The following PRIMA1 variants were observed in gnomAD, a reference collection of about 807,000 sequenced individuals.
PRIMA1 encodes the protein proline rich membrane anchor 1, also known as proline-rich membrane anchor 1.
Under a neutral mutation model 17.5 loss-of-function variants are expected in PRIMA1, and 7 were observed. That is an observed-to-expected ratio of 0.40 (90% CI 0.23 to 0.75). The LOEUF (loss-of-function observed/expected upper bound fraction) is 0.75. PRIMA1 is among the 30% of genes least tolerant of loss of function. PRIMA1 has a pLI of 0.37. For synonymous variants in PRIMA1, 97 were observed against 77.9 expected (o/e 1.25, Z -1.29); for missense variants, 200 against 201.8 (o/e 0.99, Z 0.05).
In PRIMA1 at chr14:93,754,698, A is replaced by T. The variant is rs573964180; in HGVS notation, c.230-17328T>A. ...TAATTCCTTACAGTCATGAGCTCCC[A>T]GAGCACATTATTTCAAAATCCAGTG... On this transcript the variant is annotated intron_variant, in intron 3 of 4. Coordinates refer to ENST00000393140, the MANE Select transcript of PRIMA1 (RefSeq NM_178013.4). 6.1e-4 allele frequency among the ~76,000 whole-genome samples: 93 copies of T among 152,364 alleles called. 1 individual carries two copies. The highest frequency in any genetic ancestry group is 2.2e-3 in the African/African-American group (92 of 41,582).
intron 3 of PRIMA1, among the ~76,000 whole-genome samples, chr14:93,777,804 G>A (rs1465163771): frequency 2.0e-5 from 3 of 152,236 alleles, no homozygotes; most frequent in Admixed American, 2.0e-4. Context: ...AGATTCCAGA[G>A]GGCCAGGACG....
chr14:93,736,059 G>A (rs2076148201), intron 4 of PRIMA1, among the ~76,000 whole-genome samples: 2 of 152,164 alleles, frequency 1.3e-5, no homozygotes, highest in Admixed American at 1.3e-4. Context: ...CTTTCTGTCT[G>A]TATGTCCTTC....
intron 3 of PRIMA1, among the ~76,000 whole-genome samples, chr14:93,748,570 C>T (rs1162899886): frequency 6.6e-6 from 1 of 152,094 alleles, no homozygotes; most frequent in Non-Finnish European, 1.5e-5. Context: ...GCAGCGGCAC[C>T]GGGAGCCTCT....
intron 2 of PRIMA1, among the ~76,000 whole-genome samples, chr14:93,781,262 A>G (rs1885369545): frequency 6.6e-6 from 1 of 152,236 alleles, no homozygotes; most frequent in African/African-American, 2.4e-5. Flanking sequence ...ATTTTACAGA[A>G]ATGATTAACT....
At chr14:93,757,930 A>G (rs562700272) in intron 3 of PRIMA1, among the ~76,000 whole-genome samples, 20 of 152,298 alleles carry the variant, frequency 1.3e-4, no homozygotes, top group Admixed American at 5.2e-4. Context: ...GTCCACCCAC[A>G]GGTTCCCTTC....
chr14:93,737,229 G>A lies in PRIMA1; in HGVS notation c.359+12C>T, dbSNP rs774124660. Reference sequence around the variant, plus strand: ...TTCGGCTTGAAGCTGGGTGCAGTGAGTGAGCACTCACCTTTTTATGGCTTT... The same window carrying A: ...TTCGGCTTGAAGCTGGGTGCAGTGAATGAGCACTCACCTTTTTATGGCTTT... On this transcript the variant is annotated intron_variant, in intron 4 of 4. Coordinates refer to ENST00000393140, the MANE Select transcript of PRIMA1 (RefSeq NM_178013.4). 2.5e-6 allele frequency: 4 copies of A among 1,613,910 alleles called. No individual in the cohort carries two copies. In the Admixed American group the frequency reaches 5.0e-5, roughly 20 times the overall value.
At chr14:93,741,638 A>G (rs1373438532) in intron 3 of PRIMA1, among the ~76,000 whole-genome samples, 1 of 152,230 alleles carries the variant, frequency 6.6e-6, no homozygotes, top group Non-Finnish European at 1.5e-5. Context: ...AGACCTGATC[A>G]TCTTGCTCAG....
chr14:93,742,544 G>C (rs896893704), intron 3 of PRIMA1, among the ~76,000 whole-genome samples: 7 of 152,226 alleles, frequency 4.6e-5, no homozygotes, highest in Admixed American at 3.3e-4. Context: ...GTGCCCACCT[G>C]TATGGGGTCC....
At chr14:93,747,217 G>A (rs1194480608) in intron 3 of PRIMA1, among the ~76,000 whole-genome samples, 3 of 152,246 alleles carry the variant, frequency 2.0e-5, no homozygotes, top group South Asian at 2.1e-4. Context: ...CAAGCCATCC[G>A]GTCCTGCAGC....
chr14:93,785,166 A>C (rs1885487362), intron 2 of PRIMA1, among the ~76,000 whole-genome samples: 1 of 133,686 alleles, frequency 7.5e-6, no homozygotes, highest in Non-Finnish European at 1.5e-5. Context: ...TAAATTTGCC[A>C]GCCTGTCATC....
intron 3 of PRIMA1, among the ~76,000 whole-genome samples, chr14:93,762,911 TG>T (rs1884775391): frequency 1.3e-5 from 2 of 152,198 alleles, no homozygotes; most frequent in African/African-American, 4.8e-5. Flanking sequence ...TTCTCTCTGC[TG>T]GGACAGTCTC....
At chr14:93,737,207 G>C in intron 4 of PRIMA1, 34 bp downstream of exon 4, 3 of 1,609,102 alleles carry the variant, frequency 1.9e-6, no homozygotes, top group Non-Finnish European at 2.6e-6. Context: ...GGTTCCCTTC[G>C]GCTTGAAGCT....
rs552283612 is a variant in PRIMA1, at chr14:93,749,203, G to T, written c.230-11833C>A. Among the ~76,000 whole-genome samples the T allele has an allele frequency of 3.0e-4, 45 of 152,334 alleles. No individual in the cohort carries two copies. The Middle Eastern group carries it at 0.01, about 35-fold the overall frequency. ...CCACCAGGGCTGCAGACGCACGGCT[G>T]CGCAGAAGGTCCGCATACTTGCCAG... On this transcript the variant is annotated intron_variant, in intron 3 of 4. Coordinates refer to ENST00000393140, the MANE Select transcript of PRIMA1 (RefSeq NM_178013.4).
rs530437782 is a variant in PRIMA1 at position 93,744,411 on chromosome 14, G to A, written c.230-7041C>T. On this transcript the variant is annotated intron_variant, in intron 3 of 4. Coordinates refer to ENST00000393140, the MANE Select transcript of PRIMA1 (RefSeq NM_178013.4). ...GGCACAGGGTGCCCTTGCGGAGGCC[G>A]GTGCCAGGGCGTCCACCTCCTATGG... Among the ~76,000 whole-genome samples the A allele has an allele frequency of 1.9e-3, 285 of 152,358 alleles. 2 individuals carry two copies. Among genetic ancestry groups the A allele is most frequent in the African/African-American group, 6.2e-3 (259 of 41,580 alleles).
At chr14:93,779,438 A>G (rs1425129150) in intron 2 of PRIMA1, 127 bp from the exon 3 acceptor site, 19 of 769,122 alleles carry the variant, frequency 2.5e-5, no homozygotes, top group Non-Finnish European at 3.2e-5. Flanking sequence ...AGACCAAGGC[A>G]GGAAGAATCA....
chr14:93,748,116 G>C (rs936210313), intron 3 of PRIMA1, among the ~76,000 whole-genome samples: 13 of 152,078 alleles, frequency 8.5e-5, no homozygotes, highest in Non-Finnish European at 1.8e-4. Flanking sequence ...GTATGTGTGT[G>C]AATGAGTGTG....
intron 4 of PRIMA1, among the ~76,000 whole-genome samples, chr14:93,733,268 T>C (rs2076127263): frequency 6.6e-6 from 1 of 152,198 alleles, no homozygotes; most frequent in Admixed American, 6.5e-5. Context: ...GCCCCTCCTC[T>C]GAACACCGTC....
intron 4 of PRIMA1, among the ~76,000 whole-genome samples, chr14:93,735,272 C>T (rs1433176029): frequency 6.6e-6 from 1 of 152,212 alleles, no homozygotes; most frequent in Non-Finnish European, 1.5e-5. Context: ...TGTCTAGTCA[C>T]GGGCAAAGTC....
chr14:93,739,105 T>G (rs2076168921), intron 3 of PRIMA1, among the ~76,000 whole-genome samples: 1 of 151,784 alleles, frequency 6.6e-6, no homozygotes, highest in Non-Finnish European at 1.5e-5. Flanking sequence ...CAGGCTGGAG[T>G]GCAGTGGCAC....
Sources: allele counts gnomAD v4.1 joint callset (sites outside exome capture counted in the v4.1 genomes callset), GRCh38; gene constraint gnomAD v4.1.1; transcripts MANE v1.5; gene names NCBI Gene and HGNC (gene_info 2026-07-23, HGNC 2026-07-21).